MTM1: variants seen among roughly 807,000 people sequenced by gnomAD.
The protein encoded by MTM1 is myotubularin 1.
MTM1 carries 9 observed loss-of-function variants against 52.1 expected under a neutral mutation model. The observed-to-expected ratio is 0.17, with a 90% CI of 0.10 to 0.30. The LOEUF (loss-of-function observed/expected upper bound fraction) is 0.30. Among genes scored for constraint, MTM1 ranks in the 10% least tolerant of loss-of-function variants. The probability of loss-of-function intolerance (pLI) is 1.00; values close to 1 mark genes in which losing one functional copy is unlikely to be tolerated. For missense variants in MTM1, 277 were observed against 470.7 expected, an observed-to-expected ratio of 0.59 and a Z score of 3.81; for synonymous variants, 136 against 163.8, an observed-to-expected ratio of 0.83 and a Z score of 1.29.
intron 5 of MTM1, 62 bp downstream of exon 5, chrX:150,614,761 A>G (rs1216257649): frequency 3.3e-6 from 2 of 599,143 alleles, no homozygotes; most frequent in Non-Finnish European, 5.6e-6. Flanking sequence ...ATGATAGTAG[A>G]CAATTAATGT....
chrX:150,607,881 G>A (rs1447616201), intron 4 of MTM1, among the ~76,000 whole-genome samples: 1 of 111,668 alleles, frequency 9.0e-6, no homozygotes. Flanking sequence ...TGATAGTCAC[G>A]CCAATATATA....
At chrX:150,580,358 G>C (rs2038557760) in intron 1 of MTM1, among the ~76,000 whole-genome samples, 1 of 111,629 alleles carries the variant, frequency 9.0e-6, no homozygotes, top group African/African-American at 3.3e-5. Context: ...TTTCCATCTG[G>C]ATCTTGGGAA....
At chrX:150,661,110 C>T (rs946890915) in intron 13 of MTM1, among the ~76,000 whole-genome samples, 6 of 111,328 alleles carry the variant, frequency 5.4e-5, no homozygotes, top group Non-Finnish European at 1.1e-4. Flanking sequence ...CAACCTCTGC[C>T]TTCCTGGCTT....
At chrX:150,599,331 G>A (rs1386272003) in intron 4 of MTM1, among the ~76,000 whole-genome samples, 3 of 112,557 alleles carry the variant, frequency 2.7e-5, no homozygotes, top group East Asian at 5.6e-4. Flanking sequence ...ACATGGAAAA[G>A]AGATGCCCCA....
chrX:150,609,582 A>G (rs1329284905), intron 4 of MTM1, among the ~76,000 whole-genome samples: 2 of 111,398 alleles, frequency 1.8e-5, no homozygotes, highest in Non-Finnish European at 3.8e-5. Flanking sequence ...TACTTGGTTC[A>G]TTTATCATAA....
At chrX:150,656,432 A>G (rs868963440) in intron 10 of MTM1, among the ~76,000 whole-genome samples, 6 of 111,843 alleles carry the variant, frequency 5.4e-5, no homozygotes, top group Non-Finnish European at 1.1e-4. Flanking sequence ...AAAGATCTTT[A>G]GTGGTGAGCA....
At chrX:150,655,247 C>G (rs1288476665) in intron 10 of MTM1, among the ~76,000 whole-genome samples, 3 of 107,627 alleles carry the variant, frequency 2.8e-5, no homozygotes, top group Non-Finnish European at 5.8e-5. Context: ...ATGGTGTGAA[C>G]CCAGGAGGCG....
At chrX:150,622,104 C>T (rs1049267100) in intron 6 of MTM1, among the ~76,000 whole-genome samples, 18 of 108,557 alleles carry the variant, frequency 1.7e-4, no homozygotes, top group African/African-American at 6.7e-5. Context: ...GGCTTGATTT[C>T]TCAAGTCTGT....
the MTM1 span, among the ~76,000 whole-genome samples, chrX:150,563,305 CTTTTTTTTTTTTTT>C: frequency 2.0e-4 from 7 of 34,532 alleles, no homozygotes; most frequent in East Asian, 4.2e-3. Flanking sequence ...TAAATCTCAG[CTTTTTTTTTTTTTT>C]TTTTTTTTTT....
At chrX:150,605,627 T>C (rs1004637582) in intron 4 of MTM1, among the ~76,000 whole-genome samples, 3 of 112,507 alleles carry the variant, frequency 2.7e-5, no homozygotes, top group South Asian at 3.7e-4. Context: ...TGAAGAACTA[T>C]ATAATGTGGC....
intron 4 of MTM1, 66 bp from the exon 5 acceptor site, chrX:150,614,523 A>T: frequency 1.5e-6 from 1 of 665,424 alleles, no homozygotes; most frequent in Non-Finnish European, 2.4e-6. Context: ...GGTTGTTTTT[A>T]TATGTTTTTT....
chrX:150,647,682 CTAAT>C (rs782667546), intron 9 of MTM1, among the ~76,000 whole-genome samples: 3 of 112,402 alleles, frequency 2.7e-5, no homozygotes, highest in Non-Finnish European at 5.6e-5. Flanking sequence ...GTGTGCTTGA[CTAAT>C]TGATTGTTGC....
chrX:150,652,658 TACACACACACAC>T (rs377592464), intron 10 of MTM1, among the ~76,000 whole-genome samples: 1,012 of 82,451 alleles, frequency 0.012, 25 homozygotes, highest in African/African-American at 0.04. Context: ...TATATATATA[TACACACACACAC>T]ACACACACAC....
intron 1 of MTM1, among the ~76,000 whole-genome samples, chrX:150,582,227 C>G (rs1198334667): frequency 1.8e-5 from 2 of 111,067 alleles, no homozygotes; most frequent in Non-Finnish European, 3.8e-5. Flanking sequence ...ATGATATATG[C>G]TGAGTTAGGA....
chrX:150,610,387 G>GAGACAGAC (rs1451186974), intron 4 of MTM1, among the ~76,000 whole-genome samples: 1 of 108,880 alleles, frequency 9.2e-6, no homozygotes, highest in Non-Finnish European at 1.9e-5. Flanking sequence ...CTTAGTGTAT[G>GAGACAGAC]AGACAGACAG....
intron 1 of MTM1, among the ~76,000 whole-genome samples, chrX:150,574,046 A>G (rs1191859806): frequency 2.7e-5 from 3 of 111,471 alleles, no homozygotes; most frequent in Non-Finnish European, 5.7e-5. Flanking sequence ...TTCCTTGCCC[A>G]TGTCAGTGGT....
intron 4 of MTM1, among the ~76,000 whole-genome samples, chrX:150,609,547 T>G (rs903258235): frequency 8.9e-5 from 10 of 111,739 alleles, no homozygotes; most frequent in African/African-American, 3.3e-4. Flanking sequence ...CAGTTCTGTA[T>G]ATCCAGCCAT....
At chrX:150,645,977 A>G in intron 9 of MTM1, 106 bp downstream of exon 9, 1 of 739,711 alleles carries the variant, frequency 1.4e-6, no homozygotes, top group South Asian at 2.3e-5. Flanking sequence ...TTAAATTAAT[A>G]GTTAAGAAAA....
intron 13 of MTM1, among the ~76,000 whole-genome samples, chrX:150,663,147 A>G (rs2040250941): frequency 8.9e-6 from 1 of 112,344 alleles, no homozygotes; most frequent in Non-Finnish European, 1.9e-5. Flanking sequence ...CCTAGCTGGG[A>G]ATACTCTTCT....
Sources: allele counts gnomAD v4.1 joint callset (sites outside exome capture counted in the v4.1 genomes callset), GRCh38; gene constraint gnomAD v4.1.1; transcripts MANE v1.5; gene names NCBI Gene and HGNC (gene_info 2026-07-23, HGNC 2026-07-21).